PLA2G4A: variants seen among roughly 807,000 people sequenced by gnomAD.
PLA2G4A encodes cytosolic phospholipase A2.
A neutral mutation model predicts 81.9 loss-of-function variants in PLA2G4A; 40 were observed. That is an observed-to-expected ratio of 0.49 (90% CI 0.38 to 0.64). The LOEUF (loss-of-function observed/expected upper bound fraction) is 0.64, where lower values mean the gene tolerates loss of function less well. Ranked by LOEUF, PLA2G4A falls within the 30% of genes least tolerant of loss-of-function variation. PLA2G4A has a pLI of 0.00. For synonymous variants in PLA2G4A, 302 were observed against 296.9 expected (o/e 1.02, Z -0.18); for missense variants, 715 against 905.1 (o/e 0.79, Z 2.69).
At chr1:186,859,794 T>C (rs1294851893) in intron 2 of PLA2G4A, among the ~76,000 whole-genome samples, 1 of 152,170 alleles carries the variant, frequency 6.6e-6, no homozygotes, top group African/African-American at 2.4e-5. Flanking sequence ...TACATGATCA[T>C]GGACACGTAG....
At chr1:186,859,375 G>GT (rs1298338660) in intron 2 of PLA2G4A, among the ~76,000 whole-genome samples, 1 of 152,156 alleles carries the variant, frequency 6.6e-6, no homozygotes, top group Non-Finnish European at 1.5e-5. Flanking sequence ...ATTTATTGAA[G>GT]TTTTTTATTT....
At chr1:186,930,334 A>G (rs188254820) in intron 7 of PLA2G4A, among the ~76,000 whole-genome samples, 1 of 152,324 alleles carries the variant, frequency 6.6e-6, no homozygotes, top group East Asian at 1.9e-4. Flanking sequence ...CCTTCAAAGC[A>G]ATAATGAGAA....
intron 8 of PLA2G4A, among the ~76,000 whole-genome samples, chr1:186,933,571 C>A (rs2102205757): frequency 6.6e-6 from 1 of 152,148 alleles, no homozygotes; most frequent in Admixed American, 6.5e-5. Flanking sequence ...CATTGAAAAT[C>A]AAATGAAAAG....
intron 3 of PLA2G4A, among the ~76,000 whole-genome samples, chr1:186,883,566 C>T (rs1295337749): frequency 2.6e-5 from 4 of 152,038 alleles, no homozygotes; most frequent in Non-Finnish European, 2.9e-5. Context: ...TCAAAGGCCT[C>T]GCTTCCTTTT....
intron 3 of PLA2G4A, among the ~76,000 whole-genome samples, chr1:186,891,700 T>C (rs1654150598): frequency 6.6e-6 from 1 of 152,234 alleles, no homozygotes; most frequent in East Asian, 1.9e-4. Flanking sequence ...CATTCATCTG[T>C]TGATGGACAC....
In PLA2G4A at chr1:186,857,132, A is replaced by G. The variant is rs1199377505; in HGVS notation, c.33+2745A>G. 1.8e-4 allele frequency among the ~76,000 whole-genome samples: 4 copies of G among 22,316 alleles called. 2 individuals carry two copies. Among genetic ancestry groups the G allele is most frequent in the Non-Finnish European group, 2.6e-4 (4 of 15,174 alleles). The allele number at this position is 22,316 out of a possible 152,430, so 14.6% of individuals were successfully genotyped here. A position where few individuals can be genotyped will look rare whatever the true frequency, so the allele number is the denominator to read the frequency against. The stretch of plus-strand genomic sequence containing the variant: ...ATAATTATATAATATTCTATAATAT[A>G]TATTATATAATTATATAATTACATA... On this transcript the variant is annotated intron_variant, in intron 2 of 17. Transcript: ENST00000367466.
intron 3 of PLA2G4A, among the ~76,000 whole-genome samples, chr1:186,880,341 A>G (rs895203365): frequency 3.3e-5 from 5 of 152,042 alleles, no homozygotes; most frequent in East Asian, 3.9e-4. Context: ...AGTGAGATTG[A>G]CATAATCTGT....
chr1:186,920,182 G>T (rs1365518950), intron 7 of PLA2G4A, among the ~76,000 whole-genome samples: 1 of 152,152 alleles, frequency 6.6e-6, no homozygotes. Flanking sequence ...GACCATAAGA[G>T]CCATGATAAT....
chr1:186,892,252 T>G (rs943956019), intron 3 of PLA2G4A, among the ~76,000 whole-genome samples: 2 of 152,098 alleles, frequency 1.3e-5, no homozygotes, highest in African/African-American at 4.8e-5. Flanking sequence ...TCTCTTCATT[T>G]TGTTGATTTT....
Position 186,932,945 on chromosome 1 carries a change from G to A in PLA2G4A, c.695+46G>A, listed in dbSNP as rs371151423. ...TTAGTTTTATAACTTTAAATATTTA[G>A]GATTTATCTAACTCAAGCACTAGAA... On this transcript the variant is annotated intron_variant, in intron 8 of 17. Transcript: ENST00000367466. 1.2e-4 allele frequency: 170 copies of A among 1,361,378 alleles called. No individual in the cohort carries two copies. In the South Asian group the frequency reaches 1.9e-3, roughly 15 times the overall value. 84.3% of individuals were successfully genotyped at this position (1,361,378 alleles called of 1,614,324 possible).
At chr1:186,829,073 C>T (rs1363605530) in intron 1 of PLA2G4A, 38 bp downstream of exon 1, 1 of 152,172 alleles carries the variant, frequency 6.6e-6, no homozygotes, top group African/African-American at 2.4e-5. Context: ...TTTATTCTTC[C>T]TCTGCTCCAC....
chr1:186,922,516 C>CT (rs1353131799), intron 7 of PLA2G4A, among the ~76,000 whole-genome samples: 1 of 152,194 alleles, frequency 6.6e-6, no homozygotes, highest in African/African-American at 2.4e-5. Context: ...AGGCATTCCA[C>CT]TGGGGCAGTT....
chr1:186,900,059 A>G (rs904220362), intron 5 of PLA2G4A, among the ~76,000 whole-genome samples: 1 of 152,206 alleles, frequency 6.6e-6, no homozygotes, highest in East Asian at 1.9e-4. Flanking sequence ...TGCCATTGAT[A>G]AAATCTGGGT....
intron 11 of PLA2G4A, 28 bp from the exon 12 acceptor site, chr1:186,946,841 G>A: frequency 6.3e-7 from 1 of 1,596,710 alleles, no homozygotes; most frequent in Non-Finnish European, 8.6e-7. Context: ...GATATTTTAA[G>A]TTATTTTCTG....
At chr1:186,937,034 T>A (rs1655972947) in intron 8 of PLA2G4A, among the ~76,000 whole-genome samples, 1 of 151,498 alleles carries the variant, frequency 6.6e-6, no homozygotes, top group Admixed American at 6.6e-5. Flanking sequence ...TTATGTTTTT[T>A]TTTTTTTATT....
chr1:186,928,975 T>C (rs1655647413), intron 7 of PLA2G4A, among the ~76,000 whole-genome samples: 1 of 152,222 alleles, frequency 6.6e-6, no homozygotes, highest in Non-Finnish European at 1.5e-5. Context: ...CAGCTGAACC[T>C]TATAACTTTC....
chr1:186,945,368 C>T lies in PLA2G4A; in HGVS notation c.1034-1269C>T, dbSNP rs1465489190. 2.6e-5 allele frequency among the ~76,000 whole-genome samples: 4 copies of T among 152,078 alleles called. No individual in the cohort carries two copies. The East Asian group carries it at 7.7e-4, about 29-fold the overall frequency. On this transcript the variant is annotated intron_variant, in intron 10 of 17. Transcript: ENST00000367466. ...CTAGGCCAGGACGGAAACTTGTCGG[C>T]CCTGTTTTTATTTTCAGTGTAATGG... is the stretch of plus-strand genomic sequence containing the variant.
intron 7 of PLA2G4A, among the ~76,000 whole-genome samples, chr1:186,930,665 T>C (rs1281371954): frequency 6.6e-6 from 1 of 152,220 alleles, no homozygotes; most frequent in Admixed American, 6.6e-5. Flanking sequence ...AATACAATGC[T>C]ACAATTAACC....
At chr1:186,926,830 T>C (rs534599071) in intron 7 of PLA2G4A, among the ~76,000 whole-genome samples, 61 of 152,320 alleles carry the variant, frequency 4.0e-4, no homozygotes, top group Admixed American at 2.4e-3. Flanking sequence ...GCAAAATGTA[T>C]AGGGGCACTT....
Sources: allele counts gnomAD v4.1 joint callset (sites outside exome capture counted in the v4.1 genomes callset), GRCh38; gene constraint gnomAD v4.1.1; transcripts MANE v1.5; gene names NCBI Gene and HGNC (gene_info 2026-07-23, HGNC 2026-07-21).